MAGI1: variants seen among roughly 807,000 people sequenced by gnomAD.
MAGI1 encodes the protein membrane-associated guanylate kinase, WW and PDZ domain-containing protein 1.
MAGI1 carries 58 observed loss-of-function variants against 139.9 expected under a neutral mutation model. The ratio of observed to expected loss-of-function variants is 0.41; its 90% CI spans 0.34 to 0.52. The LOEUF (loss-of-function observed/expected upper bound fraction) is 0.52, where lower values mean the gene tolerates loss of function less well. MAGI1 is among the 20% of genes least tolerant of loss of function. The probability of loss-of-function intolerance (pLI) is 0.12; values close to 1 mark genes in which losing one functional copy is unlikely to be tolerated. For missense variants in MAGI1, 1,874 were observed against 1,901.6 expected, an observed-to-expected ratio of 0.99 and a Z score of 0.27; for synonymous variants, 812 against 737.9, an observed-to-expected ratio of 1.10 and a Z score of -1.63.
intron 1 of MAGI1, among the ~76,000 whole-genome samples, chr3:65,956,344 G>C (rs1004546373): frequency 3.3e-5 from 5 of 152,222 alleles, no homozygotes; most frequent in African/African-American, 9.6e-5. Flanking sequence ...GAGTCTCAAA[G>C]AGGTAAATAA....
At chr3:65,644,633 C>G (rs1263685957) in intron 1 of MAGI1, among the ~76,000 whole-genome samples, 1 of 151,892 alleles carries the variant, frequency 6.6e-6, no homozygotes, top group Non-Finnish European at 1.5e-5. Context: ...AAATAAAAAG[C>G]TCAGTTGATA....
chr3:65,581,063 A>G (rs1301807204), intron 2 of MAGI1, among the ~76,000 whole-genome samples: 1 of 151,442 alleles, frequency 6.6e-6, no homozygotes, highest in Non-Finnish European at 1.5e-5. Context: ...CCACCCATCA[A>G]AAATATCTAC....
Position 65,902,189 on chromosome 3 carries a change from G to C in MAGI1, c.313+135807C>G, listed in dbSNP as rs549558841. On this transcript the variant is annotated intron_variant, in intron 1 of 22. Coordinates refer to ENST00000402939, the MANE Select transcript of MAGI1 (RefSeq NM_001033057.2). ...ATTTTACTGCTTTACAAATACGAGG[G>C]AGACAAACAAGCAAAGCTGTAGGAG... Among the ~76,000 whole-genome samples, 12 of 152,224 alleles carry C rather than the reference G, an allele frequency of 7.9e-5. No homozygotes were observed. In the South Asian group the frequency reaches 2.5e-3, roughly 32 times the overall value.
At chr3:65,799,005 T>C (rs1218740552) in intron 1 of MAGI1, among the ~76,000 whole-genome samples, 2 of 152,090 alleles carry the variant, frequency 1.3e-5, no homozygotes, top group Middle Eastern at 3.2e-3. Flanking sequence ...TTTTACCTAA[T>C]GATGACCCGA....
At chr3:65,404,265 C>T (rs930742763) in intron 12 of MAGI1, among the ~76,000 whole-genome samples, 1 of 152,202 alleles carries the variant, frequency 6.6e-6, no homozygotes, top group African/African-American at 2.4e-5. Context: ...ATGGCCCCTT[C>T]ATTGTTAACT....
At chr3:65,799,360 A>T (rs559958290) in intron 1 of MAGI1, among the ~76,000 whole-genome samples, 2 of 152,282 alleles carry the variant, frequency 1.3e-5, no homozygotes, top group East Asian at 1.9e-4. Flanking sequence ...CTATACAAAG[A>T]CTTCAGCAAG....
At chr3:65,412,693 A>G (rs1387915737) in intron 12 of MAGI1, among the ~76,000 whole-genome samples, 1 of 152,086 alleles carries the variant, frequency 6.6e-6, no homozygotes, top group African/African-American at 2.4e-5. Context: ...CTTTCTTTTT[A>G]TAGCCATCAT....
At chr3:65,456,817 T>C (rs1949421998) in intron 5 of MAGI1, among the ~76,000 whole-genome samples, 1 of 152,158 alleles carries the variant, frequency 6.6e-6, no homozygotes, top group South Asian at 2.1e-4. Flanking sequence ...GAATTGCTTT[T>C]GTAAAAAATC....
chr3:65,488,511 AT>A (rs11360866), intron 3 of MAGI1, among the ~76,000 whole-genome samples: 109,347 of 150,800 alleles, frequency 0.73, 39,752 homozygotes, highest in East Asian at 0.8. Context: ...TAATTTTTAT[AT>A]TTTTTTTTGG....
At chr3:65,643,753 A>C (rs1191816146) in intron 1 of MAGI1, among the ~76,000 whole-genome samples, 3 of 152,204 alleles carry the variant, frequency 2.0e-5, no homozygotes, top group African/African-American at 7.2e-5. Flanking sequence ...CTGTTACACA[A>C]TAACGGCTCT....
At chr3:65,663,443 G>T (rs1040947486) in intron 1 of MAGI1, among the ~76,000 whole-genome samples, 1 of 152,130 alleles carries the variant, frequency 6.6e-6, no homozygotes, top group Non-Finnish European at 1.5e-5. Context: ...CCTTATGTTT[G>T]AAATATAGCA....
At chr3:65,743,381 T>C (rs2035433873) in intron 1 of MAGI1, among the ~76,000 whole-genome samples, 1 of 152,072 alleles carries the variant, frequency 6.6e-6, no homozygotes, top group South Asian at 2.1e-4. Flanking sequence ...CCAAGAAAAA[T>C]ATCTCTGAAG....
intron 1 of MAGI1, among the ~76,000 whole-genome samples, chr3:66,010,077 C>CAAAAA (rs60882502): frequency 1.0e-4 from 7 of 69,778 alleles, no homozygotes; most frequent in Admixed American, 1.9e-4. Flanking sequence ...CTCTCTGTCT[C>CAAAAA]AAAAAAAAAA....
At chr3:65,908,299 C>A (rs1449360116) in intron 1 of MAGI1, among the ~76,000 whole-genome samples, 1 of 151,856 alleles carries the variant, frequency 6.6e-6, no homozygotes, top group African/African-American at 2.4e-5. Context: ...CCACAATAAT[C>A]CTTAATTTTT....
intron 1 of MAGI1, among the ~76,000 whole-genome samples, chr3:65,995,431 A>C (rs1362559679): frequency 1.3e-5 from 2 of 152,200 alleles, no homozygotes; most frequent in African/African-American, 4.8e-5. Flanking sequence ...TGAAAGCTCA[A>C]GTTAATAAGA....
chr3:65,914,313 T>G (rs2061798686), intron 1 of MAGI1: 1 of 152,212 alleles, frequency 6.6e-6, no homozygotes, highest in Non-Finnish European at 1.5e-5. Context: ...CAACATTTAT[T>G]TCAGAACAAA....
Position 65,665,208 on chromosome 3 carries a change from T to A in MAGI1, c.314-43120A>T, listed in dbSNP as rs1459462234. 2.6e-5 allele frequency among the ~76,000 whole-genome samples: 4 copies of A among 152,228 alleles called. No individual in the cohort carries two copies. In the East Asian group the frequency reaches 7.7e-4, roughly 29 times the overall value. On this transcript the variant is annotated intron_variant, in intron 1 of 22. Coordinates refer to ENST00000402939, the MANE Select transcript of MAGI1 (RefSeq NM_001033057.2). The stretch of plus-strand genomic sequence containing the variant: ...TACAGAGAAAATGGTGTGCTGGATA[T>A]GCTTCATTCAGGCATGAGTTACAGG...
At chr3:65,444,917 T>C (rs1948582730) in intron 7 of MAGI1, among the ~76,000 whole-genome samples, 3 of 152,230 alleles carry the variant, frequency 2.0e-5, no homozygotes, top group African/African-American at 4.8e-5. Context: ...GAAATTAGTC[T>C]CCTAATGCTT....
At chr3:65,499,183 T>G (rs972187603) in intron 2 of MAGI1, among the ~76,000 whole-genome samples, 1 of 152,042 alleles carries the variant, frequency 6.6e-6, no homozygotes, top group Non-Finnish European at 1.5e-5. Flanking sequence ...AAAATGTTCT[T>G]AGATATTTGT....
Sources: gnomAD v4.1 joint callset for allele counts (sites outside exome capture counted in the v4.1 genomes callset) on GRCh38, gnomAD v4.1.1 for gene constraint, MANE v1.5 for transcripts, NCBI Gene and HGNC (gene_info 2026-07-23, HGNC 2026-07-21) for gene names.